Variants in NIBAN1 observed in about 807,000 individuals in gnomAD.
The protein encoded by NIBAN1 is protein Niban 1.
In NIBAN1, 81 loss-of-function variants were observed where a neutral mutation model predicts 75.1. That is an observed-to-expected ratio of 1.08 (90% CI 0.90 to 1.30). The LOEUF is 1.30. Among genes scored for constraint, NIBAN1 ranks in the 50% most tolerant of loss-of-function variants. The pLI is 0.00. For missense variants in NIBAN1, 1,133 were observed against 1,128.1 expected (o/e 1.00, Z -0.06); for synonymous variants, 436 against 424.8 (o/e 1.03, Z -0.32).
chr1:184,955,297 T>TTTTCC (rs1285336435), intron 1 of NIBAN1, among the ~76,000 whole-genome samples: 249 of 77,014 alleles, frequency 3.2e-3, no homozygotes, highest in African/African-American at 9.0e-3. Flanking sequence ...GGCTTCAATC[T>TTTTCC]TTTCTTTTCT....
At chr1:184,836,173 G>A (rs1307879815) in intron 5 of NIBAN1, among the ~76,000 whole-genome samples, 1 of 152,198 alleles carries the variant, frequency 6.6e-6, no homozygotes, top group Non-Finnish European at 1.5e-5. Flanking sequence ...AGGGGATTGT[G>A]ATATGGGGCT....
intron 5 of NIBAN1, among the ~76,000 whole-genome samples, chr1:184,871,648 GT>G (rs1310129404): frequency 6.6e-6 from 1 of 152,184 alleles, no homozygotes; most frequent in African/African-American, 2.4e-5. Flanking sequence ...CTTGAAGCTA[GT>G]TTTCACTTTG....
At chr1:184,876,952 A>T (rs531289079) in intron 5 of NIBAN1, among the ~76,000 whole-genome samples, 1 of 152,344 alleles carries the variant, frequency 6.6e-6, no homozygotes, top group East Asian at 1.9e-4. Context: ...GGAAAATTAC[A>T]TGCAAATACA....
Position 184,795,838 on chromosome 1 carries a change from G to A in NIBAN1, c.1926C>T (p.Leu642=). Residue 642 remains leucine, a synonymous_variant, in exon 14 of 14, where the codon CTC becomes CTT. Transcript: ENST00000367511. ...CATCTGGGGGTGGGCTTGGCCCAGG[G>A]AGAGAAAGGCTTTCTCCTTTGGCCA... ...SSLAKGESLS[L]PGPSPPPDGT... 2 of 1,609,836 alleles carry A rather than the reference G, an allele frequency of 1.2e-6. No individual in the cohort carries two copies. The highest frequency in any genetic ancestry group is 1.1e-5 in the South Asian group (1 of 90,470).
intron 1 of NIBAN1, among the ~76,000 whole-genome samples, chr1:184,926,366 T>C (rs1657686071): frequency 1.3e-5 from 2 of 152,198 alleles, no homozygotes; most frequent in Admixed American, 1.3e-4. Flanking sequence ...GACTCCAGAG[T>C]AGTTGGGGTT....
chr1:184,839,450 C>T (rs1255387885), intron 5 of NIBAN1, among the ~76,000 whole-genome samples: 1 of 152,086 alleles, frequency 6.6e-6, no homozygotes, highest in Non-Finnish European at 1.5e-5. Context: ...AAGGGAGCAT[C>T]TTGCAACCCT....
chr1:184,890,871 C>T (rs112076378), intron 3 of NIBAN1, among the ~76,000 whole-genome samples: 66 of 152,254 alleles, frequency 4.3e-4, no homozygotes, highest in African/African-American at 1.5e-3. Context: ...CAGGGCATTG[C>T]CAAAGCAGTT....
intron 9 of NIBAN1, among the ~76,000 whole-genome samples, chr1:184,810,692 C>T (rs1654349735): frequency 2.0e-5 from 3 of 152,212 alleles, no homozygotes; most frequent in Admixed American, 2.0e-4. Context: ...CTTCTGATTC[C>T]TGTACGTCAC....
intron 6 of NIBAN1, among the ~76,000 whole-genome samples, chr1:184,826,888 C>A (rs1435362516): frequency 6.6e-6 from 1 of 151,884 alleles, no homozygotes; most frequent in Non-Finnish European, 1.5e-5. Flanking sequence ...TGGCTGTGTC[C>A]CCACCTAAAT....
intron 9 of NIBAN1, among the ~76,000 whole-genome samples, chr1:184,809,750 G>A (rs1187885039): frequency 1.3e-5 from 2 of 151,736 alleles, no homozygotes; most frequent in Non-Finnish European, 2.9e-5. Flanking sequence ...CAGCAATATT[G>A]AGATGAATGA....
intron 6 of NIBAN1, among the ~76,000 whole-genome samples, chr1:184,827,170 T>C (rs1654863295): frequency 6.6e-6 from 1 of 152,158 alleles, no homozygotes; most frequent in South Asian, 2.1e-4. Context: ...ACCCTTTTTC[T>C]TTATAAATTA....
At chr1:184,916,334 A>G (rs981269544) in intron 1 of NIBAN1, among the ~76,000 whole-genome samples, 2 of 152,242 alleles carry the variant, frequency 1.3e-5, no homozygotes, top group Non-Finnish European at 2.9e-5. Context: ...ATTTACATGT[A>G]ATGCTAAAAG....
At chr1:184,914,484 A>G (rs1292985366) in intron 1 of NIBAN1, among the ~76,000 whole-genome samples, 2 of 152,224 alleles carry the variant, frequency 1.3e-5, no homozygotes, top group African/African-American at 4.8e-5. Context: ...GCGGTACAAC[A>G]GTCACTGGTA....
At chr1:184,872,567 C>T (rs1370422132) in intron 5 of NIBAN1, among the ~76,000 whole-genome samples, 1 of 151,958 alleles carries the variant, frequency 6.6e-6, no homozygotes, top group Non-Finnish European at 1.5e-5. Flanking sequence ...ATTAGCTGGG[C>T]ATGGTGGTAT....
At chr1:184,810,693 T>C (rs542710264) in intron 9 of NIBAN1, among the ~76,000 whole-genome samples, 1 of 152,246 alleles carries the variant, frequency 6.6e-6, no homozygotes, top group Non-Finnish European at 1.5e-5. Context: ...TTCTGATTCC[T>C]GTACGTCACC....
chr1:184,962,147 T>C (rs1234767846), intron 1 of NIBAN1, among the ~76,000 whole-genome samples: 1 of 152,168 alleles, frequency 6.6e-6, no homozygotes, highest in African/African-American at 2.4e-5. Context: ...GAAAAGAGAA[T>C]AGAATATAAT....
chr1:184,948,584 A>G (rs116969762), intron 1 of NIBAN1, among the ~76,000 whole-genome samples: 1,993 of 152,324 alleles, frequency 0.013, 68 homozygotes, highest in East Asian at 0.13. Flanking sequence ...GTTCACTAAA[A>G]TATTATTTAT....
chr1:184,974,036 G>A (rs757292252), intron 1 of NIBAN1, among the ~76,000 whole-genome samples: 2 of 152,092 alleles, frequency 1.3e-5, no homozygotes, highest in Admixed American at 6.5e-5. Flanking sequence ...CTGACCCCGA[G>A]GCGGCGGGAG....
intron 1 of NIBAN1, among the ~76,000 whole-genome samples, chr1:184,909,563 A>G (rs966270020): frequency 6.6e-6 from 1 of 152,232 alleles, no homozygotes; most frequent in Admixed American, 6.5e-5. Context: ...CAGGAAAAAA[A>G]GTCTATAAAC....
Sources: allele counts gnomAD v4.1 joint callset (sites outside exome capture counted in the v4.1 genomes callset), GRCh38; gene constraint gnomAD v4.1.1; transcripts MANE v1.5; gene names NCBI Gene and HGNC (gene_info 2026-07-23, HGNC 2026-07-21).